The following NT5DC3 variants were observed in gnomAD, a reference collection of about 807,000 sequenced individuals.
NT5DC3 encodes 5'-nucleotidase domain containing 3, also known as 5'-nucleotidase domain-containing protein 3.
Under a neutral mutation model 67.8 loss-of-function variants are expected in NT5DC3, and 42 were observed. The ratio of observed to expected loss-of-function variants is 0.62; its 90% CI spans 0.48 to 0.80. NT5DC3 has a LOEUF of 0.80. NT5DC3 is among the 30% of genes least tolerant of loss of function. The pLI, the probability that NT5DC3 is intolerant of heterozygous loss-of-function variation, is 0.00. For synonymous variants in NT5DC3, 237 were observed against 255.6 expected (o/e 0.93, Z 0.69); for missense variants, 570 against 696.4 (o/e 0.82, Z 2.04).
the NT5DC3 span, chr12:103,762,304 ATCT>A: frequency 1.2e-6 from 2 of 1,614,136 alleles, no homozygotes; most frequent in East Asian, 2.2e-5. Context: ...GGGAGCAGGG[ATCT>A]TCTTTGCCAT....
intron 4 of NT5DC3, among the ~76,000 whole-genome samples, chr12:103,802,903 G>A (rs1313846562): frequency 3.9e-5 from 6 of 152,306 alleles, no homozygotes; most frequent in Admixed American, 2.0e-4. Context: ...CCTTTATTCT[G>A]TAGAGAGCAG....
chr12:103,816,398 A>G (rs1887253833), intron 1 of NT5DC3, among the ~76,000 whole-genome samples: 1 of 152,326 alleles, frequency 6.6e-6, no homozygotes, highest in East Asian at 1.9e-4. Context: ...TATGTTACAC[A>G]TTTAAGTTTT....
At chr12:103,779,393 A>T (rs1428616120) in intron 13 of NT5DC3, among the ~76,000 whole-genome samples, 1 of 152,258 alleles carries the variant, frequency 6.6e-6, no homozygotes, top group East Asian at 1.9e-4. Context: ...TTACAAACAC[A>T]GCAAAAAATA....
At chr12:103,826,946 A>G (rs1887720735) in intron 1 of NT5DC3, among the ~76,000 whole-genome samples, 2 of 152,238 alleles carry the variant, frequency 1.3e-5, no homozygotes, top group South Asian at 2.1e-4. Flanking sequence ...TTTTAAATGA[A>G]TCAATAAATA....
chr12:103,753,769 G>C, the NT5DC3 span, among the ~76,000 whole-genome samples: 1 of 152,192 alleles, frequency 6.6e-6, no homozygotes, highest in Admixed American at 6.5e-5. Flanking sequence ...GTGGAGACTG[G>C]AAGTGCATCC....
At position 103,777,663 on chromosome 12, in the gene NT5DC3, A is replaced by T; in HGVS notation, c.*166T>A. 1 of 766,904 alleles carries T rather than the reference A, an allele frequency of 1.3e-6. No homozygotes were observed. The highest frequency in any genetic ancestry group is 2.0e-5 in the South Asian group (1 of 50,392). 47.5% of individuals were successfully genotyped at this position (766,904 alleles called of 1,614,324 possible). Reference sequence around the variant, plus strand: ...GGAAAGGCTGGAGGGGTGGGCTGCTAGCTCCTGTCTTAACCATTGGGAGAA... The same window carrying T: ...GGAAAGGCTGGAGGGGTGGGCTGCTTGCTCCTGTCTTAACCATTGGGAGAA... On this transcript the variant is annotated 3_prime_UTR_variant, in exon 14 of 14. Coordinates refer to ENST00000392876, the MANE Select transcript of NT5DC3 (RefSeq NM_001031701.3).
intron 11 of NT5DC3, 126 bp from the exon 12 acceptor site, chr12:103,785,601 A>G: frequency 1.1e-6 from 1 of 939,888 alleles, no homozygotes; most frequent in East Asian, 2.5e-5. Flanking sequence ...TTATTCACCA[A>G]GCTGAATTCA....
chr12:103,759,023 C>G, the NT5DC3 span: 1 of 1,562,146 alleles, frequency 6.4e-7, no homozygotes, highest in South Asian at 1.1e-5. Flanking sequence ...CACATGGAGG[C>G]AGGAAAGCCT....
Position 103,780,427 on chromosome 12 carries a change from G to T in NT5DC3, c.1330-63C>A, listed in dbSNP as rs193207190. The T allele has an allele frequency of 4.4e-5, 66 of 1,492,566 alleles. No individual in the cohort carries two copies. The East Asian group carries it at 1.5e-3, about 33-fold the overall frequency. The allele number at this position is 1,492,566 out of a possible 1,614,324, so 92.5% of individuals were successfully genotyped here. On this transcript the variant is annotated intron_variant, in intron 12 of 13. Coordinates refer to ENST00000392876, the MANE Select transcript of NT5DC3 (RefSeq NM_001031701.3). ...TTCAAATAAGCTCATTACGTAATGA[G>T]AATTTTTTAATGAGCAGTTTTTCTA...
Position 103,814,646 on chromosome 12 carries a change from C to G in NT5DC3, c.393+291G>C, listed in dbSNP as rs1476213445. On this transcript the variant is annotated intron_variant, in intron 2 of 13. Coordinates refer to ENST00000392876, the MANE Select transcript of NT5DC3 (RefSeq NM_001031701.3). ...AGGCAGGCTGCCAATTCATCAAGCT[C>G]CAGGAGACACCGTGTCATTCTGTGA... Among the ~76,000 whole-genome samples, 4 of 152,154 alleles carry G rather than the reference C, an allele frequency of 2.6e-5. No individual in the cohort carries two copies. In the East Asian group the frequency reaches 7.7e-4, roughly 29 times the overall value.
intron 12 of NT5DC3, among the ~76,000 whole-genome samples, chr12:103,780,923 G>A (rs1885522927): frequency 6.6e-6 from 1 of 152,080 alleles, no homozygotes; most frequent in African/African-American, 2.4e-5. Flanking sequence ...AGGGGTAGTA[G>A]AATTATAAAT....
In NT5DC3 at chr12:103,776,467, A is replaced by C. The variant is rs1885341149; in HGVS notation, c.*1362T>G. 6.6e-6 allele frequency: 1 copy of C among 152,296 alleles called. No individual in the cohort carries two copies. The highest frequency in any genetic ancestry group is 6.5e-5 in the Admixed American group (1 of 15,274). The allele number at this position is 152,296 out of a possible 1,614,324, so 9.4% of individuals were successfully genotyped here. ...CTACTTGGGAGGCTGAGGCAGGAGA[A>C]TCGCTTGAACCCGGGAGGCAGAGGT... On this transcript the variant is annotated 3_prime_UTR_variant, in exon 14 of 14. Transcript: ENST00000392876.
chr12:103,791,808 G>A (rs1004964807), intron 9 of NT5DC3, among the ~76,000 whole-genome samples: 5 of 152,194 alleles, frequency 3.3e-5, no homozygotes, highest in Non-Finnish European at 5.9e-5. Flanking sequence ...GAACCCTATC[G>A]TGAGCTGCAC....
chr12:103,790,513 A>AG (rs1885999643), intron 9 of NT5DC3, among the ~76,000 whole-genome samples: 1 of 151,904 alleles, frequency 6.6e-6, no homozygotes, highest in Admixed American at 6.6e-5. Context: ...TGCCCACCTC[A>AG]GTCTCCCAAA....
At chr12:103,765,456 C>G (rs942604781), downstream of NT5DC3, among the ~76,000 whole-genome samples, 4 of 152,214 alleles carry the variant, frequency 2.6e-5, no homozygotes, top group African/African-American at 4.8e-5. Flanking sequence ...ACATTTACCA[C>G]CACTAGTTTT....
At chr12:103,757,886 G>A in the NT5DC3 span, 2 of 429,186 alleles carry the variant, frequency 4.7e-6, no homozygotes, top group African/African-American at 2.0e-5. Context: ...GCAGGATTTT[G>A]AGAAGACTCG....
intron 4 of NT5DC3, among the ~76,000 whole-genome samples, chr12:103,805,376 C>A (rs536853575): frequency 3.9e-5 from 6 of 152,282 alleles, no homozygotes; most frequent in Admixed American, 1.3e-4. Flanking sequence ...GTGACTCTAT[C>A]CATGTTTCAC....
intron 6 of NT5DC3, among the ~76,000 whole-genome samples, chr12:103,796,333 A>G (rs1309183513): frequency 6.6e-6 from 1 of 152,118 alleles, no homozygotes; most frequent in Non-Finnish European, 1.5e-5. Flanking sequence ...CCTGGCCAAC[A>G]TGGTGAAACC....
chr12:103,752,268 C>G, the NT5DC3 span, among the ~76,000 whole-genome samples: 4 of 152,132 alleles, frequency 2.6e-5, no homozygotes, highest in Non-Finnish European at 5.9e-5. Context: ...TTTGTTGTCT[C>G]AATAAAGAGA....
Sources: allele counts gnomAD v4.1 joint callset (sites outside exome capture counted in the v4.1 genomes callset), GRCh38; gene constraint gnomAD v4.1.1; transcripts MANE v1.5; gene names NCBI Gene and HGNC (gene_info 2026-07-23, HGNC 2026-07-21).